Variants in PPP1R1C observed in about 807,000 individuals in gnomAD.
The protein encoded by PPP1R1C is protein phosphatase 1 regulatory inhibitor subunit 1C.
In PPP1R1C, 15 loss-of-function variants were observed where a neutral mutation model predicts 17.4. That is an observed-to-expected ratio of 0.86 (90% confidence interval 0.58 to 1.33). The LOEUF is 1.33. Among genes scored for constraint, PPP1R1C ranks in the 40% most tolerant of loss-of-function variants. The pLI is 0.00. For missense variants in PPP1R1C, 143 were observed against 130.0 expected (o/e 1.10, Z -0.48); for synonymous variants, 35 against 43.1 (o/e 0.81, Z 0.73).
intron 2 of PPP1R1C, among the ~76,000 whole-genome samples, chr2:182,035,284 A>T (rs1384411347): frequency 6.6e-6 from 1 of 152,232 alleles, no homozygotes; most frequent in East Asian, 1.9e-4. Context: ...TTACATTCAA[A>T]CATTCAAATG....
chr2:181,961,145 T>C lies in PPP1R1C; in HGVS notation n.111+6511T>C, dbSNP rs1684773798. The C allele has an allele frequency of 4.5e-6, 3 of 668,672 alleles. No homozygotes were observed. In the South Asian group the frequency reaches 4.9e-5, roughly 11 times the overall value. 41.4% of individuals were successfully genotyped at this position (668,672 alleles called of 1,614,324 possible). A position where few individuals can be genotyped will look rare whatever the true frequency, so the allele number is the denominator to read the frequency against. On this transcript the variant is annotated intron_variant and non_coding_transcript_variant, in intron 1 of 5. Transcript: ENST00000464264. The surrounding 1 kb of genome is among the most constrained non-coding windows in gnomAD (Gnocchi z 5.8). Reference sequence around the variant, plus strand: ...CCTTCCCTCCCTTCCTTCCTTCCTTTCACCTCTGAACTTTTTATTGACCTC... The same window carrying C: ...CCTTCCCTCCCTTCCTTCCTTCCTTCCACCTCTGAACTTTTTATTGACCTC...
chr2:182,066,415 C>G (rs1687984362), intron 4 of PPP1R1C, among the ~76,000 whole-genome samples: 1 of 152,064 alleles, frequency 6.6e-6, no homozygotes, highest in South Asian at 2.1e-4. Flanking sequence ...TTATTTTTAT[C>G]TGATCCATAA....
chr2:181,968,271 CT>C (rs1684942037), intron 1 of PPP1R1C, among the ~76,000 whole-genome samples: 1 of 152,158 alleles, frequency 6.6e-6, no homozygotes, highest in Non-Finnish European at 1.5e-5. Flanking sequence ...TTTAGATGAT[CT>C]GTCCAGTGCT....
intron 2 of PPP1R1C, among the ~76,000 whole-genome samples, chr2:182,038,240 T>C (rs890530762): frequency 2.0e-5 from 3 of 152,028 alleles, no homozygotes; most frequent in Admixed American, 6.6e-5. Flanking sequence ...GGTTTTACCA[T>C]GTTGGCCAGG....
chr2:181,996,325 G>A (rs1685612062), intron 2 of PPP1R1C, among the ~76,000 whole-genome samples: 1 of 152,158 alleles, frequency 6.6e-6, no homozygotes, highest in Admixed American at 6.5e-5. Context: ...TCCCAGCTGT[G>A]ACAATCAGGG....
chr2:181,961,894 C>G lies in PPP1R1C; in HGVS notation n.111+7260C>G, dbSNP rs1357610213. 1 of 769,416 alleles carries G rather than the reference C, an allele frequency of 1.3e-6. No individual in the cohort carries two copies. The highest frequency in any genetic ancestry group is 1.7e-5 in the African/African-American group (1 of 58,804). The allele number at this position is 769,416 out of a possible 1,614,324, so 47.7% of individuals were successfully genotyped here. A position where few individuals can be genotyped will look rare whatever the true frequency, so the allele number is the denominator to read the frequency against. ...CTCCATCTCTGTCTCCAGTGGCAGC[C>G]AAGTGACATTGGTCATCAGTGACCT... On this transcript the variant is annotated intron_variant and non_coding_transcript_variant, in intron 1 of 5. Coordinates refer to the PPP1R1C transcript ENST00000464264. The surrounding 1 kb of genome is among the most constrained non-coding windows in gnomAD (Gnocchi z 5.8).
At chr2:181,999,710 T>C (rs1685706434) in intron 2 of PPP1R1C, among the ~76,000 whole-genome samples, 2 of 152,016 alleles carry the variant, frequency 1.3e-5, no homozygotes, top group South Asian at 4.1e-4. Flanking sequence ...TTCTCTTCTT[T>C]TGTATTTATT....
chr2:182,107,336 A>C (rs1490976209), intron 4 of PPP1R1C, among the ~76,000 whole-genome samples: 1 of 152,158 alleles, frequency 6.6e-6, no homozygotes, highest in Non-Finnish European at 1.5e-5. Flanking sequence ...AGAATGCTTA[A>C]AATTCATCAG....
intron 2 of PPP1R1C, among the ~76,000 whole-genome samples, chr2:182,041,111 A>G (rs6751995): frequency 0.08 from 12,143 of 152,124 alleles, 667 homozygotes; most frequent in South Asian, 0.16. Flanking sequence ...TTCATTTTGC[A>G]TAGGATTGCT....
chr2:181,978,516 T>C (rs887901671), intron 2 of PPP1R1C, among the ~76,000 whole-genome samples: 2 of 152,136 alleles, frequency 1.3e-5, no homozygotes, highest in Non-Finnish European at 1.5e-5. Flanking sequence ...CAAAAATGAC[T>C]CACAGGTCAG....
intron 4 of PPP1R1C, among the ~76,000 whole-genome samples, chr2:182,093,290 G>A (rs1033499195): frequency 6.6e-6 from 1 of 152,084 alleles, no homozygotes; most frequent in Admixed American, 6.5e-5. Context: ...TGGGACCCAG[G>A]GCACCAAGTC....
At chr2:181,979,641 T>C (rs1449289383) in intron 2 of PPP1R1C, among the ~76,000 whole-genome samples, 8 of 152,194 alleles carry the variant, frequency 5.3e-5, no homozygotes, top group Non-Finnish European at 7.4e-5. Flanking sequence ...GTATCTACTT[T>C]TGCAAAGAAA....
intron 4 of PPP1R1C, among the ~76,000 whole-genome samples, chr2:182,076,236 T>A (rs1688306009): frequency 8.1e-6 from 1 of 123,260 alleles, no homozygotes; most frequent in Non-Finnish European, 1.7e-5. Flanking sequence ...TTTTTTTTTT[T>A]TTGAGACGGA....
chr2:182,063,542 A>G (rs1398407725), intron 3 of PPP1R1C, among the ~76,000 whole-genome samples, 189 bp from the exon 4 acceptor site: 4 of 152,108 alleles, frequency 2.6e-5, no homozygotes, highest in African/African-American at 4.8e-5. Context: ...CTACAACTCC[A>G]TGTATCTCTT....
At chr2:181,974,922 T>C (rs892000271) in intron 1 of PPP1R1C, among the ~76,000 whole-genome samples, 1 of 152,160 alleles carries the variant, frequency 6.6e-6, no homozygotes, top group Admixed American at 6.5e-5. Context: ...CTTCAATCAT[T>C]TGTAATGTCT....
chr2:182,113,956 C>T (rs371639656), intron 4 of PPP1R1C, among the ~76,000 whole-genome samples: 47 of 152,232 alleles, frequency 3.1e-4, no homozygotes, highest in African/African-American at 1.1e-3. Flanking sequence ...TTTTTTGAAT[C>T]CACATTTAAC....
At chr2:182,128,153 A>G (rs1689920296) in intron 5 of PPP1R1C, among the ~76,000 whole-genome samples, 1 of 152,150 alleles carries the variant, frequency 6.6e-6, no homozygotes, top group Non-Finnish European at 1.5e-5. Context: ...TCTAGGTATT[A>G]ATAAGAAGTG....
Position 182,092,326 on chromosome 2 carries a change from A to G in PPP1R1C, c.242-24881A>G, listed in dbSNP as rs1430824721. Among the ~76,000 whole-genome samples, 6 of 152,250 alleles carry G rather than the reference A, an allele frequency of 3.9e-5. No homozygotes were observed. In the East Asian group the frequency reaches 1.2e-3, roughly 29 times the overall value. On this transcript the variant is annotated intron_variant, in intron 4 of 4. Coordinates refer to ENST00000682840, the MANE Select transcript of PPP1R1C (RefSeq NM_001080545.3). Reference sequence around the variant, plus strand: ...AACAGCATGGGAGAGACCTGCTCCTATGATTCAACCATCTCCCACCGGGTC... The same window carrying G: ...AACAGCATGGGAGAGACCTGCTCCTGTGATTCAACCATCTCCCACCGGGTC...
At chr2:182,110,173 A>G (rs896928602) in intron 4 of PPP1R1C, among the ~76,000 whole-genome samples, 1 of 152,272 alleles carries the variant, frequency 6.6e-6, no homozygotes, top group East Asian at 1.9e-4. Flanking sequence ...TGGATATACT[A>G]TCTACTCTGA....
Sources: allele counts gnomAD v4.1 joint callset (sites outside exome capture counted in the v4.1 genomes callset), GRCh38; gene constraint gnomAD v4.1.1; non-coding constraint Gnocchi (gnomAD v3.1); transcripts MANE v1.5; gene names NCBI Gene and HGNC (gene_info 2026-07-23, HGNC 2026-07-21).